ATRNL1: variants seen among roughly 807,000 people sequenced by gnomAD.
ATRNL1 encodes the protein attractin-like protein 1.
A neutral mutation model predicts 182.7 loss-of-function variants in ATRNL1; 95 were observed. The ratio of observed to expected loss-of-function variants is 0.52; its 90% CI spans 0.44 to 0.62. The LOEUF is 0.62. ATRNL1 is among the 20% of genes least tolerant of loss of function. The pLI, the probability that ATRNL1 is intolerant of heterozygous loss-of-function variation, is 0.00. For synonymous variants in ATRNL1, 576 were observed against 568.3 expected (o/e 1.01, Z -0.19); for missense variants, 1,471 against 1,679.5 (o/e 0.88, Z 2.17).
intron 27 of ATRNL1, among the ~76,000 whole-genome samples, chr10:115,727,934 A>G (rs1446866370): frequency 6.6e-6 from 1 of 152,010 alleles, no homozygotes; most frequent in Non-Finnish European, 1.5e-5. Flanking sequence ...TGGTATTAGA[A>G]TCCAAAAGTA....
chr10:115,440,172 T>G (rs1324102715), intron 21 of ATRNL1, among the ~76,000 whole-genome samples: 1 of 151,910 alleles, frequency 6.6e-6, no homozygotes, highest in Non-Finnish European at 1.5e-5. Context: ...ATTTGTTGAG[T>G]GCATCCTTAT....
At chr10:115,335,197 A>G (rs1306800216) in intron 19 of ATRNL1, among the ~76,000 whole-genome samples, 1 of 152,162 alleles carries the variant, frequency 6.6e-6, no homozygotes, top group East Asian at 1.9e-4. Context: ...GTAGAATTTA[A>G]TAGAAATCCT....
At chr10:115,471,640 C>G (rs782470225) in intron 24 of ATRNL1, among the ~76,000 whole-genome samples, 1 of 151,080 alleles carries the variant, frequency 6.6e-6, no homozygotes, top group Non-Finnish European at 1.5e-5. Context: ...ATTTGTGTGT[C>G]TTCTGTGGAG....
chr10:115,437,413 G>A (rs1261645489), intron 21 of ATRNL1, among the ~76,000 whole-genome samples: 2 of 151,982 alleles, frequency 1.3e-5, no homozygotes, highest in East Asian at 1.9e-4. Flanking sequence ...GCTTAGTGGC[G>A]GCAATAGAGC....
intron 19 of ATRNL1, among the ~76,000 whole-genome samples, chr10:115,384,311 C>T (rs1432469147): frequency 3.3e-5 from 5 of 151,986 alleles, no homozygotes; most frequent in Admixed American, 1.3e-4. Flanking sequence ...CAAGAAATCA[C>T]TACCACAATC....
intron 19 of ATRNL1, among the ~76,000 whole-genome samples, chr10:115,384,864 T>G (rs1858244099): frequency 6.6e-6 from 1 of 151,924 alleles, no homozygotes; most frequent in Non-Finnish European, 1.5e-5. Context: ...TTTTTTTTTT[T>G]GCTGAGTAGT....
intron 26 of ATRNL1, among the ~76,000 whole-genome samples, chr10:115,648,260 C>T (rs1349535891): frequency 6.6e-6 from 1 of 151,998 alleles, no homozygotes; most frequent in Non-Finnish European, 1.5e-5. Flanking sequence ...ATGTGAAGGA[C>T]CTCTTCAAGG....
chr10:115,665,029 AC>A (rs1182389163), intron 26 of ATRNL1, among the ~76,000 whole-genome samples: 10 of 152,170 alleles, frequency 6.6e-5, no homozygotes, highest in Non-Finnish European at 1.3e-4. Context: ...TGTTGTTACT[AC>A]CTGGTCATTT....
At chr10:115,428,377 TTTC>T (rs1220283361) in intron 21 of ATRNL1, among the ~76,000 whole-genome samples, 1 of 152,086 alleles carries the variant, frequency 6.6e-6, no homozygotes, top group African/African-American at 2.4e-5. Context: ...TCTTGATGGT[TTTC>T]TTTCTTTTTT....
At chr10:115,692,895 A>C (rs1239318093) in intron 26 of ATRNL1, among the ~76,000 whole-genome samples, 1 of 152,102 alleles carries the variant, frequency 6.6e-6, no homozygotes, top group Non-Finnish European at 1.5e-5. Flanking sequence ...ATAACCTATG[A>C]GTAAAGGAGA....
chr10:115,835,181 C>T (rs1301088153), intron 27 of ATRNL1, among the ~76,000 whole-genome samples: 1 of 152,130 alleles, frequency 6.6e-6, no homozygotes, highest in Non-Finnish European at 1.5e-5. Flanking sequence ...TGACACCTTA[C>T]AGAACCTTGG....
chr10:115,801,326 G>T (rs377024323), intron 27 of ATRNL1, among the ~76,000 whole-genome samples: 5 of 151,990 alleles, frequency 3.3e-5, no homozygotes, highest in African/African-American at 1.2e-4. Flanking sequence ...TTCCACTTAA[G>T]GTGGAATAGG....
intron 8 of ATRNL1, among the ~76,000 whole-genome samples, chr10:115,200,425 T>C (rs1288496677): frequency 7.1e-6 from 1 of 141,182 alleles, no homozygotes; most frequent in African/African-American, 2.6e-5. Context: ...CCCCTTCCTG[T>C]GTCCATGTGT....
chr10:115,761,396 C>T (rs1313813321), intron 27 of ATRNL1, among the ~76,000 whole-genome samples: 2 of 152,172 alleles, frequency 1.3e-5, no homozygotes, highest in East Asian at 3.9e-4. Context: ...CATTCCAGTG[C>T]TCTAAGACCT....
At chr10:115,835,575 T>C (rs2134322643) in intron 27 of ATRNL1, among the ~76,000 whole-genome samples, 1 of 152,298 alleles carries the variant, frequency 6.6e-6, no homozygotes, top group South Asian at 2.1e-4. Context: ...GGAACAAAAG[T>C]ATAAATGCCC....
intron 28 of ATRNL1, among the ~76,000 whole-genome samples, chr10:115,918,529 T>G (rs1254492405): frequency 6.6e-6 from 1 of 152,200 alleles, no homozygotes; most frequent in African/African-American, 2.4e-5. Context: ...AAGGCAATTA[T>G]TTCAGTAACT....
chr10:115,323,931 C>A (rs935216256), intron 18 of ATRNL1, among the ~76,000 whole-genome samples: 2 of 151,862 alleles, frequency 1.3e-5, no homozygotes, highest in Non-Finnish European at 2.9e-5. Context: ...GCGCCTGCCA[C>A]GACGCCTGGC....
At chr10:115,786,007 T>A (rs1555080360) in intron 27 of ATRNL1, among the ~76,000 whole-genome samples, 1 of 152,194 alleles carries the variant, frequency 6.6e-6, no homozygotes, top group Non-Finnish European at 1.5e-5. Flanking sequence ...GCACCGCTAA[T>A]GTTCTTATTT....
chr10:115,740,821 AACACAC>A (rs1314938267), intron 27 of ATRNL1, among the ~76,000 whole-genome samples: 3 of 57,202 alleles, frequency 5.2e-5, no homozygotes, highest in South Asian at 7.7e-4. Context: ...TATCTCTTTA[AACACAC>A]ACACACACAC....
Sources: gnomAD v4.1 joint callset for allele counts (sites outside exome capture counted in the v4.1 genomes callset) on GRCh38, gnomAD v4.1.1 for gene constraint, MANE v1.5 for transcripts, NCBI Gene and HGNC (gene_info 2026-07-23, HGNC 2026-07-21) for gene names.